KCNJ6: variants seen among roughly 807,000 people sequenced by gnomAD.
KCNJ6 encodes G protein-activated inward rectifier potassium channel 2.
In KCNJ6, 9 loss-of-function variants were observed where a neutral mutation model predicts 34.2. The observed-to-expected ratio is 0.26, with a 90% CI of 0.16 to 0.46. The LOEUF is 0.46. Ranked by LOEUF, KCNJ6 falls within the 20% of genes least tolerant of loss-of-function variation. KCNJ6 has a pLI of 1.00. For missense variants in KCNJ6, 236 were observed against 531.3 expected, an observed-to-expected ratio of 0.44 and a Z score of 5.46; for synonymous variants, 196 against 207.1, an observed-to-expected ratio of 0.95 and a Z score of 0.46.
intron 2 of KCNJ6, among the ~76,000 whole-genome samples, chr21:37,787,442 A>T (rs2055197918): frequency 6.6e-6 from 1 of 152,160 alleles, no homozygotes; most frequent in African/African-American, 2.4e-5. Flanking sequence ...CTCATAATAC[A>T]TGCTGACTGT....
In KCNJ6 at chr21:37,662,296, C is replaced by T. The variant is rs528200629; in HGVS notation, c.947-36812G>A. 1.7e-3 allele frequency among the ~76,000 whole-genome samples: 258 copies of T among 152,244 alleles called. 1 individual carries two copies. The highest frequency in any genetic ancestry group is 0.014 in the Middle Eastern group (4 of 294). ...AGGCCTGAGTGTGTGTTGTTCCCCTCGCTCTGTCCATGTGTTCTCATTGTT... is the reference window on the plus strand; with the variant it reads ...AGGCCTGAGTGTGTGTTGTTCCCCTTGCTCTGTCCATGTGTTCTCATTGTT... On this transcript the variant is annotated intron_variant, in intron 3 of 3. Transcript: ENST00000609713.
chr21:37,911,093 T>C (rs1005696973), intron 1 of KCNJ6, among the ~76,000 whole-genome samples: 1 of 152,258 alleles, frequency 6.6e-6, no homozygotes, highest in Non-Finnish European at 1.5e-5. Context: ...TTTAATGTTA[T>C]TAAAATGATA....
At position 37,614,474 on chromosome 21, in the gene KCNJ6, G is replaced by GTATGCATGTCTGTGTCTGCGTGTGTGTA; in HGVS notation, c.*10684_*10685insTACACACACGCAGACACAGACATGCATA. 1.3e-5 allele frequency: 2 copies of GTATGCATGTCTGTGTCTGCGTGTGTGTA among 151,840 alleles called. No homozygotes were observed. Among genetic ancestry groups the GTATGCATGTCTGTGTCTGCGTGTGTGTA allele is most frequent in the African/African-American group, 4.9e-5 (2 of 41,132 alleles). 9.4% of individuals were successfully genotyped at this position (151,840 alleles called of 1,614,324 possible). Reference sequence around the variant, plus strand: ...CATGTGTCTGTGTCTGCGTGTGTGTGTATGCATGTGTCTGTGTGCGTGTAT... The same window carrying GTATGCATGTCTGTGTCTGCGTGTGTGTA: ...CATGTGTCTGTGTCTGCGTGTGTGTGTATGCATGTCTGTGTCTGCGTGTGTGTATATGCATGTGTCTGTGTGCGTGTAT... On this transcript the variant is annotated 3_prime_UTR_variant, in exon 4 of 4. Coordinates refer to ENST00000609713, the MANE Select transcript of KCNJ6 (RefSeq NM_002240.5).
chr21:37,788,858 A>T (rs1038703851), intron 2 of KCNJ6, among the ~76,000 whole-genome samples: 95 of 151,832 alleles, frequency 6.3e-4, no homozygotes, highest in African/African-American at 2.2e-3. Flanking sequence ...CTATTGAGTG[A>T]CTCATTTTTG....
At position 37,634,722 on chromosome 21, in the gene KCNJ6, A is replaced by G. The variant is rs565613698; in HGVS notation, c.947-9238T>C. Among the ~76,000 whole-genome samples, 239 of 152,226 alleles carry G rather than the reference A, an allele frequency of 1.6e-3. 1 individual carries two copies. The highest frequency in any genetic ancestry group is 5.3e-3 in the African/African-American group (222 of 41,528). On this transcript the variant is annotated intron_variant, in intron 3 of 3. Transcript: ENST00000609713. Reference sequence around the variant, plus strand: ...CCACTTTTATGAAGTTAAAATAAGCATAAGTGAATAATATAGTATTTAGGA... The same window carrying G: ...CCACTTTTATGAAGTTAAAATAAGCGTAAGTGAATAATATAGTATTTAGGA...
At chr21:37,730,564 A>G (rs2054879053) in intron 2 of KCNJ6, among the ~76,000 whole-genome samples, 2 of 152,244 alleles carry the variant, frequency 1.3e-5, no homozygotes, top group Non-Finnish European at 2.9e-5. Context: ...AAGGTACACA[A>G]TTTGTAACTA....
At chr21:37,629,381 T>C (rs1245958501) in intron 3 of KCNJ6, among the ~76,000 whole-genome samples, 1 of 152,158 alleles carries the variant, frequency 6.6e-6, no homozygotes, top group Non-Finnish European at 1.5e-5. Flanking sequence ...AGTGTACTAT[T>C]ATGGGCTGAA....
chr21:37,707,733 G>GTGTGTGTGTGTA (rs1237113944), intron 3 of KCNJ6, among the ~76,000 whole-genome samples: 5 of 149,898 alleles, frequency 3.3e-5, no homozygotes, highest in Admixed American at 1.3e-4. Flanking sequence ...ATGTGTGTGT[G>GTGTGTGTGTGTA]TGAATAATTT....
intron 2 of KCNJ6, among the ~76,000 whole-genome samples, chr21:37,720,057 G>A (rs897026917): frequency 6.6e-6 from 1 of 152,082 alleles, no homozygotes; most frequent in Non-Finnish European, 1.5e-5. Flanking sequence ...GTCAAAGATT[G>A]GAAGGAAATA....
At chr21:37,878,555 G>A (rs1469569818) in intron 1 of KCNJ6, among the ~76,000 whole-genome samples, 1 of 152,196 alleles carries the variant, frequency 6.6e-6, no homozygotes, top group Non-Finnish European at 1.5e-5. Context: ...CAGCCCTATG[G>A]CAAGAAACCA....
At chr21:37,667,169 A>AAAAAAAAAAAAAAAAAAAAAAAAAT (rs2054518241) in intron 3 of KCNJ6, among the ~76,000 whole-genome samples, 1 of 119,284 alleles carries the variant, frequency 8.4e-6, no homozygotes, top group Non-Finnish European at 1.9e-5. Context: ...AAAAAAAAAA[A>AAAAAAAAAAAAAAAAAAAAAAAAAT]AAAAAAAAAA....
intron 2 of KCNJ6, among the ~76,000 whole-genome samples, chr21:37,792,406 C>T (rs984370739): frequency 3.9e-5 from 6 of 152,134 alleles, no homozygotes; most frequent in African/African-American, 9.7e-5. Flanking sequence ...TTTCTGTGGC[C>T]GACTGTGAAA....
chr21:37,664,135 T>A (rs1371321699), intron 3 of KCNJ6, among the ~76,000 whole-genome samples: 2 of 152,152 alleles, frequency 1.3e-5, no homozygotes, highest in Admixed American at 6.5e-5. Context: ...TAATCCAACA[T>A]CATAGGAATT....
chr21:37,783,565 C>T (rs908096964), intron 2 of KCNJ6, among the ~76,000 whole-genome samples: 9 of 152,176 alleles, frequency 5.9e-5, no homozygotes, highest in Non-Finnish European at 8.8e-5. Flanking sequence ...TTCCTAGTCT[C>T]GGGTATGTTT....
At chr21:37,710,746 A>G (rs1457072072) in intron 3 of KCNJ6, among the ~76,000 whole-genome samples, 1 of 152,212 alleles carries the variant, frequency 6.6e-6, no homozygotes. Flanking sequence ...ATTTTAACAC[A>G]CATGGGCCAC....
intron 2 of KCNJ6, among the ~76,000 whole-genome samples, chr21:37,741,266 C>CCA (rs551194161): frequency 1.0e-3 from 152 of 152,332 alleles, no homozygotes; most frequent in African/African-American, 3.4e-3. Context: ...AAGAGTCCCC[C>CCA]CACACCCTCT....
chr21:37,754,202 G>A (rs956475174), intron 2 of KCNJ6, among the ~76,000 whole-genome samples: 8 of 152,164 alleles, frequency 5.3e-5, no homozygotes, highest in African/African-American at 1.9e-4. Flanking sequence ...TTTAGGGGAA[G>A]CTGCATCCCT....
intron 1 of KCNJ6, among the ~76,000 whole-genome samples, chr21:37,881,882 C>G (rs1373078663): frequency 6.6e-6 from 1 of 152,160 alleles, no homozygotes; most frequent in African/African-American, 2.4e-5. Context: ...TGGGTCCTGA[C>G]AGTTGCCTTC....
At chr21:37,846,127 T>C (rs1411610045) in intron 1 of KCNJ6, among the ~76,000 whole-genome samples, 2 of 152,190 alleles carry the variant, frequency 1.3e-5, no homozygotes, top group East Asian at 3.9e-4. Flanking sequence ...CTGAACTTTA[T>C]TCCCTCTTCC....
Sources: allele counts gnomAD v4.1 joint callset (sites outside exome capture counted in the v4.1 genomes callset), GRCh38; gene constraint gnomAD v4.1.1; transcripts MANE v1.5; gene names NCBI Gene and HGNC (gene_info 2026-07-23, HGNC 2026-07-21).